PIK3C3: variants seen among roughly 807,000 people sequenced by gnomAD.
PIK3C3 encodes the protein PI3-kinase type 3.
In PIK3C3, 95 loss-of-function variants were observed where a neutral mutation model predicts 126.1. The ratio of observed to expected loss-of-function variants is 0.75; its 90% CI spans 0.64 to 0.89. The LOEUF is 0.89. Among genes scored for constraint, PIK3C3 ranks in the 40% least tolerant of loss-of-function variants. PIK3C3 has a pLI of 0.00. For missense variants in PIK3C3, 829 were observed against 1,063.2 expected (o/e 0.78, Z 3.06); for synonymous variants, 374 against 360.0 (o/e 1.04, Z -0.44).
At chr18:42,052,877 T>C (rs188712926) in intron 21 of PIK3C3, 24 of 152,334 alleles carry the variant, frequency 1.6e-4, no homozygotes, top group Non-Finnish European at 3.2e-4. Flanking sequence ...AACTGTCCAA[T>C]CTTTCAATGG....
rs375766378 is a variant in PIK3C3, at chr18:42,067,374, G to A, written c.2524-14G>A. On this transcript the variant is annotated splice_polypyrimidine_tract_variant and intron_variant, in intron 23 of 24. Transcript: ENST00000262039. Reference sequence around the variant, plus strand: ...TTTTTCTTCGTTGTAAAGACTAAGAGTGTTATCTTATAGGTTCAGGATAAA... The same window carrying A: ...TTTTTCTTCGTTGTAAAGACTAAGAATGTTATCTTATAGGTTCAGGATAAA... 1.9e-5 allele frequency: 31 copies of A among 1,613,442 alleles called. No homozygotes were observed. The highest frequency in any genetic ancestry group is 2.5e-5 in the Non-Finnish European group (30 of 1,179,562).
rs748189717 is a variant in PIK3C3, at chr18:42,027,447, G to C, written c.1489G>C (p.Val497Leu). 1 of 1,584,158 alleles carries C rather than the reference G, an allele frequency of 6.3e-7. No individual in the cohort carries two copies. Among genetic ancestry groups the C allele is most frequent in the Non-Finnish European group, 8.7e-7 (1 of 1,155,138 alleles). Residue 497 changes from valine (V) to leucine (L), a missense_variant, in exon 14 of 25, where the codon GTG (valine) becomes CTG (leucine). Val to Leu is a conservative substitution (Grantham distance 32). Around this residue, in one of 4 missense-constraint regions of PIK3C3, gnomAD observed 256 missense variants for 291.0 expected, o/e 0.88. Transcript: ENST00000262039. The part of the protein sequence containing the change: ...STLANYLYWY[V>L]IVECEDQDTQ... ...ATGGCTCAAACTATTTTTAAGGTAT[G>C]TGATAGTGGAATGTGAAGATCAAGA...
chr18:41,955,775 G>A (rs1042437316), intron 1 of PIK3C3, among the ~76,000 whole-genome samples: 1 of 152,156 alleles, frequency 6.6e-6, no homozygotes, highest in Non-Finnish European at 1.5e-5. Flanking sequence ...GGTAGACACA[G>A]GCAGATGCGA....
chr18:41,965,470 A>T (rs1980310839), intron 3 of PIK3C3, among the ~76,000 whole-genome samples: 1 of 152,144 alleles, frequency 6.6e-6, no homozygotes, highest in East Asian at 1.9e-4. Flanking sequence ...TTTAAAAAGT[A>T]CTACATCAAA....
chr18:41,988,998 C>T (rs1393449731), intron 5 of PIK3C3, among the ~76,000 whole-genome samples: 1 of 152,078 alleles, frequency 6.6e-6, no homozygotes, highest in East Asian at 1.9e-4. Context: ...ATTACCACCG[C>T]ATTACTATTA....
At chr18:42,022,933 C>T (rs1167826702) in intron 13 of PIK3C3, among the ~76,000 whole-genome samples, 1 of 151,792 alleles carries the variant, frequency 6.6e-6, no homozygotes, top group African/African-American at 2.4e-5. Context: ...TATGTCTTGT[C>T]GCCGGTCTTA....
intron 16 of PIK3C3, among the ~76,000 whole-genome samples, chr18:42,034,750 G>A (rs1159152458): frequency 6.6e-6 from 1 of 152,142 alleles, no homozygotes; most frequent in African/African-American, 2.4e-5. Flanking sequence ...GGTGCTTTAT[G>A]TTTTGTGATT....
chr18:42,024,203 A>G (rs563607694), intron 13 of PIK3C3, among the ~76,000 whole-genome samples: 1 of 152,204 alleles, frequency 6.6e-6, no homozygotes, highest in Non-Finnish European at 1.5e-5. Context: ...GTCATCTTAC[A>G]ATGGGTACCT....
chr18:41,966,764 C>T (rs1174492822), intron 3 of PIK3C3, among the ~76,000 whole-genome samples: 1 of 152,124 alleles, frequency 6.6e-6, no homozygotes, highest in African/African-American at 2.4e-5. Flanking sequence ...TTTCCATAGT[C>T]AGATATACAC....
intron 20 of PIK3C3, among the ~76,000 whole-genome samples, chr18:42,044,526 C>T (rs1350905738): frequency 6.6e-6 from 1 of 152,094 alleles, no homozygotes; most frequent in Non-Finnish European, 1.5e-5. Context: ...GATTCTTCCA[C>T]CTCAGCCCGC....
intron 10 of PIK3C3, among the ~76,000 whole-genome samples, chr18:42,004,906 T>C (rs898365804): frequency 1.3e-5 from 2 of 152,302 alleles, no homozygotes; most frequent in Middle Eastern, 3.4e-3. Context: ...TCAGTCAGTA[T>C]ACAACAAGCC....
At chr18:42,051,484 A>G (rs1984800906) in intron 21 of PIK3C3, among the ~76,000 whole-genome samples, 1 of 151,904 alleles carries the variant, frequency 6.6e-6, no homozygotes, top group Non-Finnish European at 1.5e-5. Flanking sequence ...CTATTAATAT[A>G]ATGGTCCTAT....
In PIK3C3 at chr18:41,998,886, A is replaced by G. The variant is rs528032153; in HGVS notation, c.984+2156A>G. Among the ~76,000 whole-genome samples the G allele has an allele frequency of 4.5e-3, 689 of 152,312 alleles. 3 individuals are homozygous for G. Among genetic ancestry groups the G allele is most frequent in the African/African-American group, 0.016 (659 of 41,590 alleles). The stretch of plus-strand genomic sequence containing the variant: ...ATACTCCACCCATTAATTTATTTAC[A>G]GAAAGAAATTCTTTTAGCGTCAGAC... On this transcript the variant is annotated intron_variant, in intron 9 of 24. Transcript: ENST00000262039.
In PIK3C3 at chr18:42,043,804, C is replaced by G. The variant is rs748610547; in HGVS notation, c.2175C>G (p.Tyr725Ter). 3 of 1,611,086 alleles carry G rather than the reference C, an allele frequency of 1.9e-6. No individual in the cohort carries two copies. Among genetic ancestry groups the G allele is most frequent in the Non-Finnish European group, 2.5e-6 (3 of 1,177,576 alleles). Reference sequence around the variant, plus strand: ...TTAGTGCTGAGGTCATGGACACTTACGTTAAAAGCTGTGGTAAGTTTTTCA... The same window carrying G: ...TTAGTGCTGAGGTCATGGACACTTAGGTTAAAAGCTGTGGTAAGTTTTTCA... ...NGISAEVMDT[Y>*]VKSCAGYCVI... Residue 725 changes from tyrosine (Y) to a stop codon, truncating the protein, a stop_gained, in exon 20 of 25, where the codon TAC becomes TAG. Transcript: ENST00000262039. LOFTEE classifies it high-confidence loss of function.
rs546815418 is a variant in PIK3C3 at position 41,978,055 on chromosome 18, G to A, written c.531+7599G>A. Reference sequence around the variant, plus strand: ...CAGCTCACTGCAGCCTCAGTCTCCCGGACTCAAGTGATCCTCCCACATCCT... The same window carrying A: ...CAGCTCACTGCAGCCTCAGTCTCCCAGACTCAAGTGATCCTCCCACATCCT... On this transcript the variant is annotated intron_variant, in intron 4 of 24. Coordinates refer to ENST00000262039, the MANE Select transcript of PIK3C3 (RefSeq NM_002647.4). Among the ~76,000 whole-genome samples the A allele has an allele frequency of 4.6e-5, 7 of 152,134 alleles. No individual in the cohort carries two copies. The East Asian group carries it at 7.8e-4, about 17-fold the overall frequency.
chr18:41,960,356 T>C lies in PIK3C3; in HGVS notation c.258-2133T>C, dbSNP rs1980014617. On this transcript the variant is annotated intron_variant, in intron 2 of 24. Transcript: ENST00000262039. The stretch of plus-strand genomic sequence containing the variant: ...TAGTTTACATTTTTAAGAACACTTA[T>C]ATTTCACATTGTCTCATAAAGGTTT... 2.0e-5 allele frequency among the ~76,000 whole-genome samples: 3 copies of C among 152,234 alleles called. No individual in the cohort carries two copies. The South Asian group carries it at 6.2e-4, about 32-fold the overall frequency.
chr18:42,042,394 C>G (rs921978123), intron 19 of PIK3C3, among the ~76,000 whole-genome samples: 2 of 152,136 alleles, frequency 1.3e-5, no homozygotes, highest in African/African-American at 4.8e-5. Context: ...AGTCATGGTA[C>G]AACTACATGT....
chr18:42,049,494 AT>A, intron 20 of PIK3C3, 36 bp from the exon 21 acceptor site: 1 of 1,519,446 alleles, frequency 6.6e-7, no homozygotes, highest in Non-Finnish European at 9.1e-7. Context: ...CCTGGTTTGC[AT>A]TTGTTTTCAC....
At chr18:42,010,387 A>G (rs1383131542) in intron 10 of PIK3C3, among the ~76,000 whole-genome samples, 1 of 152,024 alleles carries the variant, frequency 6.6e-6, no homozygotes, top group African/African-American at 2.4e-5. Context: ...TGTTGTTGAG[A>G]TGGAGTCTCC....
Sources: allele counts gnomAD v4.1 joint callset (sites outside exome capture counted in the v4.1 genomes callset), GRCh38; gene constraint gnomAD v4.1.1; regional missense constraint gnomAD v4.1.1; transcripts MANE v1.5; gene names NCBI Gene and HGNC (gene_info 2026-07-23, HGNC 2026-07-21).